RELL1: variants seen among roughly 807,000 people sequenced by gnomAD.
The protein encoded by RELL1 is RELT-like protein 1.
RELL1 carries 10 observed loss-of-function variants against 23.0 expected under a neutral mutation model. The ratio of observed to expected loss-of-function variants is 0.43; its 90% CI spans 0.27 to 0.74. The LOEUF is 0.74. Ranked by LOEUF, RELL1 falls within the 30% of genes least tolerant of loss-of-function variation. The pLI, the probability that RELL1 is intolerant of heterozygous loss-of-function variation, is 0.19. For synonymous variants in RELL1, 146 were observed against 146.8 expected (o/e 0.99, Z 0.04); for missense variants, 315 against 364.4 (o/e 0.86, Z 1.10).
At chr4:37,615,215 T>C (rs955692459) in intron 6 of RELL1, among the ~76,000 whole-genome samples, 15 of 152,200 alleles carry the variant, frequency 9.9e-5, no homozygotes, top group African/African-American at 3.6e-4. Flanking sequence ...ACAGCTGCCT[T>C]CTGCAGCTGA....
intron 3 of RELL1, among the ~76,000 whole-genome samples, chr4:37,640,668 A>T (rs749359990): frequency 6.6e-6 from 1 of 152,230 alleles, no homozygotes. Context: ...AATCCTATGT[A>T]AATAGTTGTT....
At chr4:37,608,530 A>C (rs1489907330), downstream of RELL1, among the ~76,000 whole-genome samples, 1 of 152,232 alleles carries the variant, frequency 6.6e-6, no homozygotes, top group African/African-American at 2.4e-5. Flanking sequence ...GCAAGGTCCT[A>C]ACTCTTCAGT....
chr4:37,629,180 C>T (rs1454827514), intron 6 of RELL1, among the ~76,000 whole-genome samples: 1 of 152,226 alleles, frequency 6.6e-6, no homozygotes, highest in Non-Finnish European at 1.5e-5. Flanking sequence ...GTTGATGACT[C>T]ATACTCAGCC....
At chr4:37,589,948 T>A (rs1295820389), downstream of RELL1, 1 of 748,510 alleles carries the variant, frequency 1.3e-6, no homozygotes, top group Non-Finnish European at 2.3e-6. Flanking sequence ...ACTATATCTA[T>A]TTGATTTAGA....
intron 6 of RELL1, among the ~76,000 whole-genome samples, chr4:37,621,411 G>A (rs919220000): frequency 2.1e-4 from 32 of 152,030 alleles, no homozygotes; most frequent in South Asian, 4.2e-4. Context: ...AGCCAAGATC[G>A]CGCCACTGCA....
chr4:37,598,403 T>C (rs968679064), intron 6 of RELL1, among the ~76,000 whole-genome samples: 1 of 151,800 alleles, frequency 6.6e-6, no homozygotes, highest in Admixed American at 6.6e-5. Flanking sequence ...CAACAAGTTA[T>C]GGGTTTTGGT....
intron 6 of RELL1, among the ~76,000 whole-genome samples, chr4:37,599,092 G>A (rs1718951941): frequency 6.6e-6 from 1 of 152,180 alleles, no homozygotes; most frequent in Admixed American, 6.5e-5. Flanking sequence ...ACCCAATTTT[G>A]TATATGTAAA....
Position 37,652,471 on chromosome 4 carries a change from TTTTC to T in RELL1, c.89-2975_89-2972del, listed in dbSNP as rs779974925. On this transcript the variant is annotated intron_variant, in intron 1 of 6. Coordinates refer to ENST00000454158, the MANE Select transcript of RELL1 (RefSeq NM_001085400.2). ...TCCCTTTTATGGTCCTAAAACAATG[TTTTC>T]TTTATTAATTCCTTTATATAACACA... Among the ~76,000 whole-genome samples the T allele has an allele frequency of 1.6e-4, 25 of 152,336 alleles. No homozygotes were observed. In the East Asian group the frequency reaches 2.9e-3, roughly 18 times the overall value.
At chr4:37,639,244 C>T (rs1454480997) in intron 3 of RELL1, among the ~76,000 whole-genome samples, 7 of 151,894 alleles carry the variant, frequency 4.6e-5, no homozygotes, top group African/African-American at 1.5e-4. Context: ...ATTAGCTGGG[C>T]GTGGTGGCAG....
chr4:37,685,897 C>T (rs555695716), intron 1 of RELL1, among the ~76,000 whole-genome samples: 1 of 152,332 alleles, frequency 6.6e-6, no homozygotes, highest in East Asian at 1.9e-4. Flanking sequence ...GGAGGAAGCG[C>T]CCCCGAAGAA....
rs1264898972 is a variant in RELL1, at chr4:37,611,615, G to C, written c.*1731C>G. ...CCCCCCAACACTGACATGGAGGCGG[G>C]TCTTGGAGACCTTGTAACTGGCCTC... On this transcript the variant is annotated 3_prime_UTR_variant, in exon 7 of 7. Coordinates refer to ENST00000454158, the MANE Select transcript of RELL1 (RefSeq NM_001085400.2). Among the ~76,000 whole-genome samples, 3 of 152,040 alleles carry C rather than the reference G, an allele frequency of 2.0e-5. No homozygotes were observed. Among genetic ancestry groups the C allele is most frequent in the African/African-American group, 7.2e-5 (3 of 41,394 alleles).
chr4:37,669,592 G>T (rs1399067349), intron 1 of RELL1, among the ~76,000 whole-genome samples: 3 of 152,326 alleles, frequency 2.0e-5, no homozygotes, highest in East Asian at 3.9e-4. Context: ...GAATAGAAAG[G>T]GGGGAAAGGT....
At chr4:37,650,688 A>T (rs553395953) in intron 1 of RELL1, among the ~76,000 whole-genome samples, 1 of 151,974 alleles carries the variant, frequency 6.6e-6, no homozygotes, top group African/African-American at 2.4e-5. Flanking sequence ...TATATATATG[A>T]GAGACAGTTT....
intron 6 of RELL1, among the ~76,000 whole-genome samples, chr4:37,593,671 G>A (rs1318921019): frequency 6.6e-6 from 1 of 152,186 alleles, no homozygotes; most frequent in African/African-American, 2.4e-5. Context: ...TCAGAATGCA[G>A]TTACTAAGAA....
chr4:37,662,629 T>G (rs1019820558), intron 1 of RELL1, among the ~76,000 whole-genome samples: 2 of 151,792 alleles, frequency 1.3e-5, no homozygotes, highest in Non-Finnish European at 2.9e-5. Context: ...TGGCTTCAAT[T>G]TGAACTGAAG....
chr4:37,666,981 G>T (rs999833095), intron 1 of RELL1, among the ~76,000 whole-genome samples: 5 of 152,164 alleles, frequency 3.3e-5, no homozygotes, highest in Non-Finnish European at 4.4e-5. Flanking sequence ...ATCTGTCCCG[G>T]CTGAAGTCCC....
chr4:37,612,275 T>A lies in RELL1; in HGVS notation c.*1071A>T, dbSNP rs116528734. On this transcript the variant is annotated 3_prime_UTR_variant, in exon 7 of 7. Coordinates refer to ENST00000454158, the MANE Select transcript of RELL1 (RefSeq NM_001085400.2). The stretch of plus-strand genomic sequence containing the variant: ...TTGTGTGTGTGTGACTTTCAACCAT[T>A]TTCTCCTTTATTCAATGGATTAACC... Among the ~76,000 whole-genome samples the A allele has an allele frequency of 7.9e-3, 1,194 of 150,224 alleles. 15 individuals carry two copies. The highest frequency in any genetic ancestry group is 0.027 in the African/African-American group (1,108 of 40,886).
At chr4:37,637,637 G>A (rs772381681) in intron 4 of RELL1, among the ~76,000 whole-genome samples, 2 of 152,176 alleles carry the variant, frequency 1.3e-5, no homozygotes, top group Non-Finnish European at 2.9e-5. Context: ...CCACCATGAG[G>A]CCTCACACAC....
intron 3 of RELL1, among the ~76,000 whole-genome samples, chr4:37,643,440 G>A (rs182689894): frequency 3.2e-4 from 48 of 152,310 alleles, no homozygotes; most frequent in Non-Finnish European, 4.0e-4. Flanking sequence ...CTTAAAATGC[G>A]AAGCAGAAAC....
Sources: gnomAD v4.1 joint callset for allele counts (sites outside exome capture counted in the v4.1 genomes callset) on GRCh38, gnomAD v4.1.1 for gene constraint, MANE v1.5 for transcripts, NCBI Gene and HGNC (gene_info 2026-07-23, HGNC 2026-07-21) for gene names.